TOM1L2: variants seen among roughly 807,000 people sequenced by gnomAD.
TOM1L2 encodes the protein TOM1-like protein 2.
In TOM1L2, 31 loss-of-function variants were observed where a neutral mutation model predicts 67.9. The ratio of observed to expected loss-of-function variants is 0.46; its 90% CI spans 0.34 to 0.62. The LOEUF (loss-of-function observed/expected upper bound fraction) is 0.62, where lower values mean the gene tolerates loss of function less well. TOM1L2 is among the 20% of genes least tolerant of loss of function. The pLI is 0.01. For synonymous variants in TOM1L2, 256 were observed against 254.0 expected (o/e 1.01, Z -0.07); for missense variants, 606 against 663.5 (o/e 0.91, Z 0.95).
At position 17,884,689 on chromosome 17, in the gene TOM1L2, A is replaced by G. The variant is rs143220830; in HGVS notation, c.446T>C (p.Val149Ala). ...HIYEELKRKG[V>A]EFPMADLDAL... ...GTCCAAGTCTGCCATGGGAAATTCA[A>G]CCCCTTTCCTCTTCAGCTCCTCATA... Residue 149 changes from valine to alanine, a missense_variant, in exon 5 of 15, where the codon GTT becomes GCT. Coordinates refer to ENST00000379504, the MANE Select transcript of TOM1L2 (RefSeq NM_001082968.2). 1,596 of 1,613,890 alleles carry G rather than the reference A, an allele frequency of 9.9e-4. 2 individuals are homozygous for G. Among genetic ancestry groups the G allele is most frequent in the Non-Finnish European group, 1.2e-3 (1,396 of 1,179,992 alleles).
chr17:17,950,183 G>GT (rs1333027393), intron 1 of TOM1L2, among the ~76,000 whole-genome samples: 7 of 151,974 alleles, frequency 4.6e-5, no homozygotes, highest in South Asian at 2.1e-4. Context: ...TTGAGATGGC[G>GT]TATCACTCTG....
At position 17,946,731 on chromosome 17, in the gene TOM1L2, AT is replaced by A. The variant is rs1007098329; in HGVS notation, c.52+25530del. The stretch of plus-strand genomic sequence containing the variant: ...TTATATTGGTCTAAGTATTGATCTA[AT>A]TTTTTTTTTTAAGACAGAGTCTCAC... On this transcript the variant is annotated intron_variant, in intron 1 of 14. Transcript: ENST00000379504. Among the ~76,000 whole-genome samples, 28 of 147,892 alleles carry A rather than the reference AT, an allele frequency of 1.9e-4. No homozygotes were observed. In the East Asian group the frequency reaches 2.8e-3, roughly 15 times the overall value.
intron 1 of TOM1L2, among the ~76,000 whole-genome samples, chr17:17,911,742 G>T (rs1286943981): frequency 3.3e-5 from 5 of 149,482 alleles, no homozygotes; most frequent in African/African-American, 9.9e-5. Flanking sequence ...GTGGAGGGAA[G>T]GTCAGCAGAT....
chr17:17,879,592 C>T (rs980686564), intron 7 of TOM1L2, 35 bp downstream of exon 7: 1 of 1,555,080 alleles, frequency 6.4e-7, no homozygotes, highest in African/African-American at 1.4e-5. Context: ...GAAGAGCTGC[C>T]ACCACAGGCC....
chr17:17,866,899 A>G lies in TOM1L2; in HGVS notation c.937T>C (p.Ser313Pro), dbSNP rs1287368983. ...ERFERYRSGRSVQNASNGVLN... is the reference protein window; with the variant it reads ...ERFERYRSGRPVQNASNGVLN... ...ACTCCATTACTGGCATTTTGAACGG[A>G]TCGGCCAGACCTGTATCGTTCGAAC... Residue 313 changes from serine (S) to proline (P), a missense_variant, in exon 9 of 15, where the codon TCC (serine) becomes CCC (proline). By Grantham distance (74) the Ser-to-Pro change is moderately conservative. Transcript: ENST00000379504. 2 of 1,614,068 alleles carry G rather than the reference A, an allele frequency of 1.2e-6. No individual in the cohort carries two copies. The highest frequency in any genetic ancestry group is 3.3e-5 in the Admixed American group (2 of 60,018).
Position 17,866,933 on chromosome 17 carries a change from G to GGAA in TOM1L2, c.912-12_912-10dup. The GGAA allele has an allele frequency of 6.2e-7, 1 of 1,613,938 alleles. No homozygotes were observed. Among genetic ancestry groups the GGAA allele is most frequent in the Non-Finnish European group, 8.5e-7 (1 of 1,179,882 alleles). ...ACCTGTATCGTTCGAACCTAACAGG[G>GGAA]GAAGGGAAAGCAGAAGTAAGGAGAG... is the stretch of plus-strand genomic sequence containing the variant. On this transcript the variant is annotated splice_polypyrimidine_tract_variant and intron_variant, in intron 8 of 14. Coordinates refer to ENST00000379504, the MANE Select transcript of TOM1L2 (RefSeq NM_001082968.2).
intron 1 of TOM1L2, among the ~76,000 whole-genome samples, chr17:17,947,028 T>C (rs1179528274): frequency 4.0e-5 from 6 of 151,742 alleles, no homozygotes; most frequent in East Asian, 1.9e-4. Context: ...CCAGCCTAAG[T>C]GTTGATCTAA....
intron 1 of TOM1L2, among the ~76,000 whole-genome samples, chr17:17,955,690 G>C (rs976133365): frequency 6.6e-6 from 1 of 152,164 alleles, no homozygotes; most frequent in Non-Finnish European, 1.5e-5. Context: ...ACCCAGGCTA[G>C]AGTGTGTCCA....
chr17:17,924,970 G>T (rs2040024027), intron 1 of TOM1L2, among the ~76,000 whole-genome samples: 1 of 152,132 alleles, frequency 6.6e-6, no homozygotes, highest in African/African-American at 2.4e-5. Context: ...TGATGTCTTT[G>T]TGATAATTCT....
At chr17:17,931,373 T>C (rs2040327711) in intron 1 of TOM1L2, among the ~76,000 whole-genome samples, 1 of 152,028 alleles carries the variant, frequency 6.6e-6, no homozygotes, top group Non-Finnish European at 1.5e-5. Flanking sequence ...ATCTTTGGAG[T>C]CAGACCAATT....
Position 17,957,066 on chromosome 17 carries a change from C to T in TOM1L2, c.52+15196G>A, listed in dbSNP as rs117929831. Among the ~76,000 whole-genome samples, 974 of 152,350 alleles carry T rather than the reference C, an allele frequency of 6.4e-3. 12 individuals carry two copies. Among genetic ancestry groups the T allele is most frequent in the East Asian group, 0.058 (299 of 5,190 alleles). On this transcript the variant is annotated intron_variant, in intron 1 of 14. Transcript: ENST00000379504. ...CAATCATAGCTCGCTGCAGTCTCCA[C>T]CTCCTGGGCTCAAGCAATCCTCCTG...
intron 12 of TOM1L2, among the ~76,000 whole-genome samples, chr17:17,852,117 GCT>G (rs35723284): frequency 0.46 from 70,596 of 151,908 alleles, 18,985 homozygotes; most frequent in Non-Finnish European, 0.63. Flanking sequence ...AAAAATGCCA[GCT>G]CTGTCTATAG....
intron 7 of TOM1L2, among the ~76,000 whole-genome samples, chr17:17,874,102 C>T (rs1251823176): frequency 1.3e-5 from 2 of 151,470 alleles, no homozygotes; most frequent in Non-Finnish European, 2.9e-5. Context: ...ATTACAGGTG[C>T]CTGCCACCAA....
chr17:17,923,079 G>GGCTCATACCTGCTGT lies in TOM1L2; in HGVS notation c.53-15563_53-15549dup, dbSNP rs539267263. Among the ~76,000 whole-genome samples, 47 of 152,282 alleles carry GGCTCATACCTGCTGT rather than the reference G, an allele frequency of 3.1e-4. No homozygotes were observed. In the East Asian group the frequency reaches 8.3e-3, roughly 27 times the overall value. The stretch of plus-strand genomic sequence containing the variant: ...AGAAAGACTCCCAGAAGTTTCCCAG[G>GGCTCATACCTGCTGT]GCTCATACCTGCTGTGCTCATTAAA... On this transcript the variant is annotated intron_variant, in intron 1 of 14. Transcript: ENST00000379504.
At position 17,848,092 on chromosome 17, in the gene TOM1L2, A is replaced by C. The variant is rs143933572; in HGVS notation, c.1376-309T>G. Among the ~76,000 whole-genome samples, 19 of 152,074 alleles carry C rather than the reference A, an allele frequency of 1.2e-4. 1 individual carries two copies. The highest frequency in any genetic ancestry group is 1.0e-3 in the South Asian group (5 of 4,826). On this transcript the variant is annotated intron_variant, in intron 14 of 14. Transcript: ENST00000379504. ...ATCAGCACTGGGGGTGGGGCAGGGTAAGCTGGAGGGGCCAGCTTCTGATTA... is the reference window on the plus strand; with the variant it reads ...ATCAGCACTGGGGGTGGGGCAGGGTCAGCTGGAGGGGCCAGCTTCTGATTA...
chr17:17,893,923 GCTTT>G (rs2038423475), intron 3 of TOM1L2, 113 bp from the exon 4 acceptor site: 4 of 1,106,948 alleles, frequency 3.6e-6, no homozygotes, highest in South Asian at 1.6e-5. Context: ...TCCTAGATCA[GCTTT>G]CTGACACGTC....
intron 1 of TOM1L2, among the ~76,000 whole-genome samples, chr17:17,912,951 A>T (rs935917658): frequency 2.0e-5 from 3 of 152,228 alleles, no homozygotes; most frequent in African/African-American, 7.2e-5. Context: ...CGGGAGGCCG[A>T]GGCTGGCGGA....
intron 1 of TOM1L2, among the ~76,000 whole-genome samples, chr17:17,954,312 C>CTTTTTTTT (rs5819638): frequency 7.4e-6 from 1 of 134,698 alleles, no homozygotes; most frequent in Non-Finnish European, 1.6e-5. Context: ...ATAAATCATT[C>CTTTTTTTT]TTTTTTTTTT....
intron 1 of TOM1L2, among the ~76,000 whole-genome samples, chr17:17,922,898 C>G (rs370314804): frequency 6.6e-6 from 1 of 152,334 alleles, no homozygotes; most frequent in East Asian, 1.9e-4. Flanking sequence ...GCCACCTTAA[C>G]TGCCTCCTGG....
Sources: gnomAD v4.1 joint callset for allele counts (sites outside exome capture counted in the v4.1 genomes callset) on GRCh38, gnomAD v4.1.1 for gene constraint, MANE v1.5 for transcripts, NCBI Gene and HGNC (gene_info 2026-07-23, HGNC 2026-07-21) for gene names.